Variants in RAB40C observed in about 807,000 individuals in gnomAD.
The protein encoded by RAB40C is RAB40C, member RAS oncogene family, also known as ras-related protein Rab-40C.
Under a neutral mutation model 28.1 loss-of-function variants are expected in RAB40C, and 8 were observed. That is an observed-to-expected ratio of 0.28 (90% CI 0.17 to 0.51). The LOEUF (loss-of-function observed/expected upper bound fraction) is 0.51, where lower values mean the gene tolerates loss of function less well. Ranked by LOEUF, RAB40C falls within the 20% of genes least tolerant of loss-of-function variation. The pLI is 0.97. For missense variants in RAB40C, 288 were observed against 405.9 expected (o/e 0.71, Z 2.50); for synonymous variants, 201 against 171.7 (o/e 1.17, Z -1.34).
chr16:623,741 G>T (rs1418105156), intron 3 of RAB40C, among the ~76,000 whole-genome samples: 1 of 152,128 alleles, frequency 6.6e-6, no homozygotes, highest in Non-Finnish European at 1.5e-5. Context: ...GAGGCCAGGG[G>T]TTCAAGACCA....
intron 5 of RAB40C, among the ~76,000 whole-genome samples, chr16:627,132 C>G (rs1414518022): frequency 6.6e-6 from 1 of 152,218 alleles, no homozygotes; most frequent in African/African-American, 2.4e-5. Flanking sequence ...GCGTGCCTGG[C>G]TTTAGGGAGC....
At chr16:600,696 G>A (rs1052144046) in intron 1 of RAB40C, among the ~76,000 whole-genome samples, 2 of 152,184 alleles carry the variant, frequency 1.3e-5, no homozygotes, top group African/African-American at 4.8e-5. Context: ...AGGTTGCAGT[G>A]AGCCGAGTTT....
intron 1 of RAB40C, among the ~76,000 whole-genome samples, chr16:604,320 T>C (rs892833096): frequency 5.3e-5 from 8 of 152,222 alleles, no homozygotes; most frequent in African/African-American, 1.7e-4. Context: ...TCAGTGGCAC[T>C]AGCACTAAAC....
chr16:603,166 G>A (rs778363515), intron 1 of RAB40C, among the ~76,000 whole-genome samples: 1 of 152,216 alleles, frequency 6.6e-6, no homozygotes, highest in Non-Finnish European at 1.5e-5. Flanking sequence ...TTGTAGACAC[G>A]AGAGCCCTTT....
At chr16:590,514 C>T (rs1345777308) in intron 1 of RAB40C, 81 bp downstream of exon 1, 6 of 1,379,776 alleles carry the variant, frequency 4.3e-6, no homozygotes, top group Non-Finnish European at 9.4e-7. Flanking sequence ...CTCGGCCCGG[C>T]CCTTCCAAGC....
intron 1 of RAB40C, among the ~76,000 whole-genome samples, chr16:615,995 C>G (rs2036577013): frequency 6.6e-6 from 1 of 151,968 alleles, no homozygotes; most frequent in South Asian, 2.1e-4. Flanking sequence ...CAGTGGCTCA[C>G]GCCTGTAATC....
chr16:616,747 T>A (rs879326878), intron 1 of RAB40C: 2 of 158,828 alleles, frequency 1.3e-5, no homozygotes, highest in Non-Finnish European at 2.8e-5. Context: ...GAATTCAACT[T>A]CAAAATGCAT....
In RAB40C at chr16:627,569, C is replaced by T; in HGVS notation, c.793C>T (p.Pro265Ser). ...CCTCAAGAGGTCCAAGTCCATCCGT[C>T]CACCCCAGAGCCCCCCCCAGAACTG... ...NSLKRSKSIR[P>S]PQSPPQNCSR... Residue 265 changes from proline (P) to serine (S), a missense_variant, in exon 6 of 6, where the codon CCA becomes TCA. Physicochemically the swap from Pro to Ser is moderately conservative, Grantham distance 74. This residue lies in a region of RAB40C where 57 missense variants were observed against 55.3 expected (regional missense o/e 1.03). Transcript: ENST00000248139. 1.2e-6 allele frequency: 2 copies of T among 1,612,048 alleles called. No individual in the cohort carries two copies. Among genetic ancestry groups the T allele is most frequent in the Non-Finnish European group, 1.7e-6 (2 of 1,178,916 alleles).
At chr16:624,021 C>T (rs1049740383) in intron 3 of RAB40C, 13 of 985,306 alleles carry the variant, frequency 1.3e-5, no homozygotes, top group South Asian at 9.4e-5. Context: ...CCAGCATGCA[C>T]GCTTTTACAT....
intron 3 of RAB40C, among the ~76,000 whole-genome samples, chr16:619,688 G>A (rs914913977): frequency 6.6e-6 from 1 of 152,198 alleles, no homozygotes. Context: ...GGCCGCCTGG[G>A]TCTGGGTCTG....
chr16:602,316 G>GCAC (rs2036270108), intron 1 of RAB40C, among the ~76,000 whole-genome samples: 1 of 150,474 alleles, frequency 6.6e-6, no homozygotes, highest in Non-Finnish European at 1.5e-5. Context: ...CTGGAGTGCA[G>GCAC]TGATCATAGT....
chr16:601,815 T>TAAAAAA lies in RAB40C; in HGVS notation c.142+11407_142+11412dup, dbSNP rs60094426. Among the ~76,000 whole-genome samples the TAAAAAA allele has an allele frequency of 1.1e-3, 30 of 27,200 alleles. 1 individual carries two copies. The highest frequency in any genetic ancestry group is 3.3e-3 in the South Asian group (2 of 606). 17.8% of individuals were successfully genotyped at this position (27,200 alleles called of 152,430 possible). ...AAGGCCCTATCCCTGCAAAAAAAAGTAAAAAAAAAAAAAAAAAAAAAAAAA... is the reference window on the plus strand; with the variant it reads ...AAGGCCCTATCCCTGCAAAAAAAAGTAAAAAAAAAAAAAAAAAAAAAAAAAAAAAAA... On this transcript the variant is annotated intron_variant, in intron 1 of 5. Coordinates refer to ENST00000248139, the MANE Select transcript of RAB40C (RefSeq NM_021168.5).
chr16:594,979 G>A (rs1481974579), intron 1 of RAB40C, among the ~76,000 whole-genome samples: 1 of 151,922 alleles, frequency 6.6e-6, no homozygotes, highest in African/African-American at 2.4e-5. Flanking sequence ...GCCACCATGC[G>A]TGGCTAATTT....
intron 1 of RAB40C, among the ~76,000 whole-genome samples, chr16:597,273 T>C (rs1479006949): frequency 6.6e-6 from 1 of 151,558 alleles, no homozygotes; most frequent in East Asian, 1.9e-4. Flanking sequence ...AAGGGAAGAG[T>C]TGGTCCCATA....
At chr16:613,605 C>T (rs1291239051) in intron 1 of RAB40C, among the ~76,000 whole-genome samples, 2 of 152,378 alleles carry the variant, frequency 1.3e-5, no homozygotes, top group Non-Finnish European at 2.9e-5. Flanking sequence ...AATGCCTTTT[C>T]ACTGCTTCTT....
At chr16:614,435 C>T (rs1234272341) in intron 1 of RAB40C, among the ~76,000 whole-genome samples, 2 of 138,576 alleles carry the variant, frequency 1.4e-5, no homozygotes, top group Non-Finnish European at 3.1e-5. Context: ...CTACCGCATC[C>T]CGATGGTGAA....
intron 1 of RAB40C, among the ~76,000 whole-genome samples, chr16:601,706 T>G (rs2036251390): frequency 6.7e-6 from 1 of 148,432 alleles, no homozygotes; most frequent in Non-Finnish European, 1.5e-5. Context: ...CCGGGTGCGG[T>G]GGTGCACGCC....
At chr16:593,497 G>A (rs971925216) in intron 1 of RAB40C, among the ~76,000 whole-genome samples, 5 of 152,218 alleles carry the variant, frequency 3.3e-5, no homozygotes, top group African/African-American at 1.2e-4. Flanking sequence ...TGGCAGGGAG[G>A]CCCCTTCTGT....
intron 2 of RAB40C, 81 bp from the exon 3 acceptor site, chr16:618,119 G>C: frequency 7.3e-7 from 1 of 1,378,448 alleles, no homozygotes. Flanking sequence ...AGGACATCCA[G>C]GTGGGTCGGC....
Sources: allele counts gnomAD v4.1 joint callset (sites outside exome capture counted in the v4.1 genomes callset), GRCh38; gene constraint gnomAD v4.1.1; regional missense constraint gnomAD v4.1.1; transcripts MANE v1.5; gene names NCBI Gene and HGNC (gene_info 2026-07-23, HGNC 2026-07-21).